The following LTBR variants were observed in gnomAD, a reference collection of about 807,000 sequenced individuals.
LTBR encodes lymphotoxin beta receptor, also known as tumor necrosis factor receptor superfamily member 3.
Under a neutral mutation model 45.4 loss-of-function variants are expected in LTBR, and 15 were observed. That is an observed-to-expected ratio of 0.33 (90% CI 0.22 to 0.51). The LOEUF (loss-of-function observed/expected upper bound fraction) is 0.51, where lower values mean the gene tolerates loss of function less well. Among genes scored for constraint, LTBR ranks in the 20% least tolerant of loss-of-function variants. The probability of loss-of-function intolerance (pLI) is 0.97; values close to 1 mark genes in which losing one functional copy is unlikely to be tolerated. For missense variants in LTBR, 450 were observed against 565.5 expected, an observed-to-expected ratio of 0.80 and a Z score of 2.07; for synonymous variants, 228 against 231.0, an observed-to-expected ratio of 0.99 and a Z score of 0.12.
At chr12:6,382,379 T>G (rs766921366), upstream of LTBR, among the ~76,000 whole-genome samples, 1 of 152,204 alleles carries the variant, frequency 6.6e-6, no homozygotes, top group Non-Finnish European at 1.5e-5. Flanking sequence ...CAATATTACT[T>G]TTTCTCTTTT....
chr12:6,385,524 A>C, intron 4 of LTBR, 145 bp downstream of exon 4: 6 of 979,150 alleles, frequency 6.1e-6, no homozygotes, highest in Non-Finnish European at 8.9e-6. Flanking sequence ...GCAGAGGCTC[A>C]CAGAAGGGTT....
In LTBR at chr12:6,388,492, C is replaced by G. The variant is rs770379329; in HGVS notation, c.762C>G (p.Leu254=). 1 of 1,613,988 alleles carries G rather than the reference C, an allele frequency of 6.2e-7. No individual in the cohort carries two copies. The highest frequency in any genetic ancestry group is 2.2e-5 in the East Asian group (1 of 44,886). ...GCATCTGGAAGAGCCACCCTTCTCT[C>G]TGCAGGAAACTGGGTAGGAAAGGGT... is the stretch of plus-strand genomic sequence containing the variant. ...FSCIWKSHPS[L]CRKLGSLLKR... The change falls in exon 7 of 10, where the codon CTC becomes CTG. Residue 254 remains leucine, a synonymous_variant. Transcript: ENST00000228918. The surrounding 1 kb of genome is among the most constrained non-coding windows in gnomAD (Gnocchi z 4.3).
chr12:6,388,821 C>T lies in LTBR; in HGVS notation c.797C>T (p.Pro266Leu). 1 of 1,613,994 alleles carries T rather than the reference C, an allele frequency of 6.2e-7. No homozygotes were observed. Among genetic ancestry groups the T allele is most frequent in the Non-Finnish European group, 8.5e-7 (1 of 1,179,986 alleles). Residue 266 changes from proline to leucine, a missense_variant, in exon 8 of 10, where the codon CCG (proline) becomes CTG (leucine). Pro to Leu is a moderately conservative substitution (Grantham distance 98). Around this residue, in one of 3 missense-constraint regions of LTBR, gnomAD observed 367 missense variants for 435.4 expected, o/e 0.84. Transcript: ENST00000228918. This position sits in a 1 kb window ranked among gnomAD's most constrained non-coding sequence, Gnocchi z 4.3. The stretch of plus-strand genomic sequence containing the variant: ...GCAGGATCGCTGCTCAAGAGGCGTC[C>T]GCAGGTAATGGCGGGGGCTGAGAAG... ...RKLGSLLKRR[P>L]QGEGPNPVAG...
At position 6,377,845 on chromosome 12, in the gene LTBR, A is replaced by G. The variant is rs1409886994; in HGVS notation, c.39+2251A>G. 22 of 420,632 alleles carry G rather than the reference A, an allele frequency of 5.2e-5. No homozygotes were observed. The East Asian group carries it at 1.2e-3, about 22-fold the overall frequency. 26.1% of individuals were successfully genotyped at this position (420,632 alleles called of 1,614,324 possible). A position where few individuals can be genotyped will look rare whatever the true frequency, so the allele number is the denominator to read the frequency against. ...CAAGGGCTCTGTGAGAAGAATTGCA[A>G]TGCCTGGTCTGGGCTGAGCCAAAGG... On this transcript the variant is annotated intron_variant, in intron 1 of 9. Coordinates refer to the LTBR transcript ENST00000539925.
exon 1 of LTBR, chr12:6,375,553 G>A (rs375596606): frequency 4.6e-6 from 7 of 1,535,106 alleles, no homozygotes; most frequent in Non-Finnish European, 4.4e-6. Flanking sequence ...TGGCCGGCCA[G>A]GGATGGAAGC....
At chr12:6,377,495 G>A (rs887186359) in intron 1 of LTBR, 6 of 670,404 alleles carry the variant, frequency 8.9e-6, no homozygotes, top group African/African-American at 5.4e-5. Flanking sequence ...GCACCTGGAT[G>A]TGAAAGCCGG....
At chr12:6,389,833 C>A in intron 8 of LTBR, 6 of 308,072 alleles carry the variant, frequency 1.9e-5, no homozygotes, top group Non-Finnish European at 2.4e-5. Flanking sequence ...GTTAGCCAGA[C>A]AGTCCCAGCT....
chr12:6,387,928 C>A, intron 6 of LTBR: 1 of 441,630 alleles, frequency 2.3e-6, no homozygotes. Flanking sequence ...TACAGCAGGG[C>A]AACCCTAGCT....
intron 9 of LTBR, 43 bp downstream of exon 9, chr12:6,390,383 G>T: frequency 6.7e-7 from 1 of 1,502,128 alleles, no homozygotes; most frequent in Non-Finnish European, 9.1e-7. Context: ...TGGGGAGGGA[G>T]GGATGGCTGG....
Position 6,385,333 on chromosome 12 carries a change from C to A in LTBR, c.426C>A (p.Cys142Ter), listed in dbSNP as rs1326879085. ...CCTGGGCCCTCGAGTGTACACACTG[C>A]GAGCTACTTTCTGACTGCCCGCCTG... ...CAAWALECTH[C>*]ELLSDCPPGT... The change falls in exon 4 of 10, where the codon TGC becomes TGA. Residue 142 changes from cysteine to a stop codon, truncating the protein, a stop_gained. Coordinates refer to ENST00000228918, the MANE Select transcript of LTBR (RefSeq NM_002342.3). LOFTEE classifies it high-confidence loss of function. 1 of 1,614,126 alleles carries A rather than the reference C, an allele frequency of 6.2e-7. No individual in the cohort carries two copies. Among genetic ancestry groups the A allele is most frequent in the South Asian group, 1.1e-5 (1 of 91,090 alleles).
chr12:6,387,756 G>A (rs1949065644), intron 6 of LTBR: 1 of 395,026 alleles, frequency 2.5e-6, no homozygotes, highest in Admixed American at 2.8e-5. Context: ...GATCACAGCT[G>A]GAGAAGCCGA....
Position 6,390,880 on chromosome 12 carries a change from C to T in LTBR, c.1251C>T (p.His417=). Residue 417 remains histidine (H), a synonymous_variant, in exon 10 of 10, where the codon CAC becomes CAT. Transcript: ENST00000228918. The part of the protein sequence containing the change: ...GKAWHLAETE[H]CGATPSNRGP... ...CTTGGCACCTAGCGGAGACAGAGCACTGTGGTGCCACACCCTCTAACAGGG... is the reference window on the plus strand; with the variant it reads ...CTTGGCACCTAGCGGAGACAGAGCATTGTGGTGCCACACCCTCTAACAGGG... 1 of 1,604,916 alleles carries T rather than the reference C, an allele frequency of 6.2e-7. No individual in the cohort carries two copies. The highest frequency in any genetic ancestry group is 8.5e-7 in the Non-Finnish European group (1 of 1,175,224).
In LTBR at chr12:6,388,775, A is replaced by G. The variant is rs748799688; in HGVS notation, c.776-25A>G. On this transcript the variant is annotated intron_variant, in intron 7 of 9. Transcript: ENST00000228918. The surrounding 1 kb of genome is among the most constrained non-coding windows in gnomAD (Gnocchi z 4.3). ...AGGTCTGAGGCCTGCCGGGGAGCCTACACCCATTTCATTCTCCATTGCAGG... is the reference window on the plus strand; with the variant it reads ...AGGTCTGAGGCCTGCCGGGGAGCCTGCACCCATTTCATTCTCCATTGCAGG... 6.8e-6 allele frequency: 11 copies of G among 1,613,934 alleles called. No homozygotes were observed. Among genetic ancestry groups the G allele is most frequent in the Non-Finnish European group, 7.6e-6 (9 of 1,179,976 alleles).
rs778981024 is a variant in LTBR, at chr12:6,390,649, C to A, written c.1031-11C>A. The A allele has an allele frequency of 6.7e-7, 1 of 1,499,840 alleles. No individual in the cohort carries two copies. Among genetic ancestry groups the A allele is most frequent in the Admixed American group, 2.3e-5 (1 of 42,986 alleles). The allele number at this position is 1,499,840 out of a possible 1,614,324, so 92.9% of individuals were successfully genotyped here. ...CCTTCCTTCCTCAACACTCTGCCTC[C>A]CTTCCTACAGGTACCAATGGCATTC... On this transcript the variant is annotated splice_polypyrimidine_tract_variant and intron_variant, in intron 9 of 9. Coordinates refer to ENST00000228918, the MANE Select transcript of LTBR (RefSeq NM_002342.3).
At position 6,385,549 on chromosome 12, in the gene LTBR, A is replaced by C. The variant is rs181681630; in HGVS notation, c.472+170A>C. The C allele has an allele frequency of 4.7e-5, 38 of 803,504 alleles. No homozygotes were observed. In the African/African-American group the frequency reaches 6.2e-4, roughly 13 times the overall value. The allele number at this position is 803,504 out of a possible 1,614,324, so 49.8% of individuals were successfully genotyped here. The stretch of plus-strand genomic sequence containing the variant: ...ACAGAAGGGTTCTGGAGGGACATGG[A>C]ACTGGGACAGGTGCAGGGGACACAG... On this transcript the variant is annotated intron_variant, in intron 4 of 9. Transcript: ENST00000228918.
chr12:6,375,493 C>T, exon 1 of LTBR: 3 of 1,535,616 alleles, frequency 2.0e-6, no homozygotes, highest in Admixed American at 2.0e-5. Context: ...CCAAACCTCT[C>T]CTCCCCCTCA....
At position 6,386,884 on chromosome 12, in the gene LTBR, A is replaced by G. The variant is rs1263642383; in HGVS notation, c.667+440A>G. On this transcript the variant is annotated intron_variant, in intron 6 of 9. Transcript: ENST00000228918. This position sits in a 1 kb window ranked among gnomAD's most constrained non-coding sequence, Gnocchi z 4.1. ...GGACTGATTGGCTTGCTAGCCTAGTAGATGACTATTGTTTCTAATGACTGT... is the reference window on the plus strand; with the variant it reads ...GGACTGATTGGCTTGCTAGCCTAGTGGATGACTATTGTTTCTAATGACTGT... 1 of 156,918 alleles carries G rather than the reference A, an allele frequency of 6.4e-6. No individual in the cohort carries two copies. The highest frequency in any genetic ancestry group is 2.4e-5 in the African/African-American group (1 of 41,546). 9.7% of individuals were successfully genotyped at this position (156,918 alleles called of 1,614,324 possible). A position where few individuals can be genotyped will look rare whatever the true frequency, so the allele number is the denominator to read the frequency against.
chr12:6,375,242 G>C (rs1948883339), upstream of LTBR: 1 of 1,439,498 alleles, frequency 6.9e-7, no homozygotes, highest in African/African-American at 1.4e-5. Context: ...GGTCTCTCCT[G>C]CTCTCCTCTT....
chr12:6,390,148 C>G lies in LTBR; in HGVS notation c.838C>G (p.Pro280Ala). The change falls in exon 9 of 10, where the codon CCT (proline) becomes GCT (alanine). Residue 280 changes from proline (P) to alanine (A), a missense_variant. Physicochemically the swap from Pro to Ala is conservative, Grantham distance 27 (BLOSUM62 -1). Transcript: ENST00000228918. The stretch of plus-strand genomic sequence containing the variant: ...CAATCCTGTAGCTGGAAGCTGGGAG[C>G]CTCCGAAGGCCCATCCATACTTCCC... ...GPNPVAGSWEPPKAHPYFPDL... is the reference protein window; with the variant it reads ...GPNPVAGSWEAPKAHPYFPDL... 1 of 1,614,016 alleles carries G rather than the reference C, an allele frequency of 6.2e-7. No homozygotes were observed. Among genetic ancestry groups the G allele is most frequent in the Non-Finnish European group, 8.5e-7 (1 of 1,180,004 alleles).
Sources: gnomAD v4.1 joint callset for allele counts (sites outside exome capture counted in the v4.1 genomes callset) on GRCh38, gnomAD v4.1.1 for gene constraint, gnomAD v4.1.1 regional missense constraint, Gnocchi (gnomAD v3.1) non-coding constraint, MANE v1.5 for transcripts, NCBI Gene and HGNC (gene_info 2026-07-23, HGNC 2026-07-21) for gene names.